Variants in KCNMA1 observed in about 807,000 individuals in gnomAD.
KCNMA1 encodes Calcium-activated potassium channel subunit alpha-1.
KCNMA1 carries 29 observed loss-of-function variants against 140.0 expected under a neutral mutation model. The ratio of observed to expected loss-of-function variants is 0.21; its 90% CI spans 0.15 to 0.28. The LOEUF (loss-of-function observed/expected upper bound fraction) is 0.28, where lower values mean the gene tolerates loss of function less well. Ranked by LOEUF, KCNMA1 falls within the 10% of genes least tolerant of loss-of-function variation. The probability of loss-of-function intolerance (pLI) is 1.00; values close to 1 mark genes in which losing one functional copy is unlikely to be tolerated. For missense variants in KCNMA1, 880 were observed against 1,602.2 expected (o/e 0.55, Z 7.70); for synonymous variants, 612 against 611.9 (o/e 1.00, Z 0.00).
intron 2 of KCNMA1, among the ~76,000 whole-genome samples, chr10:77,289,984 T>C (rs1461692503): frequency 4.6e-5 from 7 of 152,164 alleles, no homozygotes; most frequent in African/African-American, 7.2e-5. Context: ...CTTGAAAAGA[T>C]AAAGCTATGG....
chr10:77,377,789 T>G (rs1391553106), intron 2 of KCNMA1, among the ~76,000 whole-genome samples: 1 of 152,144 alleles, frequency 6.6e-6, no homozygotes, highest in African/African-American at 2.4e-5. Context: ...TGTGCAACCC[T>G]CAGCAAGTCA....
intron 2 of KCNMA1, chr10:77,373,712 A>G (rs1351539376): frequency 6.6e-6 from 1 of 152,104 alleles, no homozygotes; most frequent in African/African-American, 2.4e-5. Context: ...CATCCCACTG[A>G]TGCAAAAAGA....
chr10:77,083,613 G>T (rs547048730), intron 12 of KCNMA1, among the ~76,000 whole-genome samples: 75 of 151,948 alleles, frequency 4.9e-4, no homozygotes, highest in African/African-American at 1.8e-3. Context: ...ATCACTTGAG[G>T]TTAGGAGTTC....
chr10:77,535,468 T>C (rs2058684730), intron 1 of KCNMA1, among the ~76,000 whole-genome samples: 1 of 152,210 alleles, frequency 6.6e-6, no homozygotes, highest in South Asian at 2.1e-4. Flanking sequence ...GTACAGCCAC[T>C]ATGGAAAACA....
At position 76,955,580 on chromosome 10, in the gene KCNMA1, C is replaced by T. The variant is rs551771935; in HGVS notation, c.2361-1656G>A. On this transcript the variant is annotated intron_variant, in intron 20 of 27. Coordinates refer to ENST00000286628, the MANE Select transcript of KCNMA1 (RefSeq NM_001161352.2). ...TCTTAAAAGAAGAACAATCCCACTC[C>T]GAGTAGCATCTCAGTGTCTGGATTG... Among the ~76,000 whole-genome samples the T allele has an allele frequency of 3.5e-4, 54 of 152,236 alleles. 1 individual carries two copies. In the South Asian group the frequency reaches 0.011, roughly 31 times the overall value.
intron 1 of KCNMA1, among the ~76,000 whole-genome samples, chr10:77,572,485 T>G (rs116642636): frequency 0.016 from 2,254 of 144,886 alleles, 71 homozygotes; most frequent in African/African-American, 0.055. Context: ...GGGAGGCTGA[T>G]ATGTCTGGAT....
In KCNMA1 at chr10:77,408,485, C is replaced by T. The variant is rs574683567; in HGVS notation, c.379-4462G>A. Reference sequence around the variant, plus strand: ...GTTTGTGTGCACGTGTGAGTGTGTACGTGTGTGTGCATGTCTGAGAATGTG... The same window carrying T: ...GTTTGTGTGCACGTGTGAGTGTGTATGTGTGTGTGCATGTCTGAGAATGTG... On this transcript the variant is annotated intron_variant, in intron 1 of 27. Coordinates refer to ENST00000286628, the MANE Select transcript of KCNMA1 (RefSeq NM_001161352.2). 8.6e-5 allele frequency among the ~76,000 whole-genome samples: 13 copies of T among 151,424 alleles called. No homozygotes were observed. In the East Asian group the frequency reaches 1.8e-3, roughly 20 times the overall value.
chr10:77,387,301 T>C (rs1347805724), intron 2 of KCNMA1, among the ~76,000 whole-genome samples: 1 of 152,202 alleles, frequency 6.6e-6, no homozygotes, highest in Non-Finnish European at 1.5e-5. Context: ...AAATTTGCTG[T>C]TTCTCTGAGG....
intron 19 of KCNMA1, chr10:76,977,433 AGTT>A (rs2077976752): frequency 1.6e-6 from 1 of 640,286 alleles, no homozygotes; most frequent in Non-Finnish European, 2.8e-6. Context: ...CCATAGCCAC[AGTT>A]GTTGGTTTAC....
Position 77,380,056 on chromosome 10 carries a change from G to C in KCNMA1, c.540+23806C>G, listed in dbSNP as rs115407017. 8.5e-3 allele frequency among the ~76,000 whole-genome samples: 1,299 copies of C among 152,264 alleles called. 16 individuals carry two copies. The highest frequency in any genetic ancestry group is 0.029 in the African/African-American group (1,221 of 41,532). ...TAGTAAATCCTTCATAAACACTAGT[G>C]TTCATTATTAGTTGGGGTTACAAAT... On this transcript the variant is annotated intron_variant, in intron 2 of 27. Transcript: ENST00000286628.
chr10:77,541,257 C>G (rs1005290799), intron 1 of KCNMA1, among the ~76,000 whole-genome samples: 10 of 151,904 alleles, frequency 6.6e-5, no homozygotes, highest in Non-Finnish European at 1.5e-4. Context: ...AAACATTAAA[C>G]AAAATTCAAT....
intron 23 of KCNMA1, among the ~76,000 whole-genome samples, chr10:76,944,262 G>T (rs1439141212): frequency 1.3e-5 from 2 of 152,164 alleles, no homozygotes; most frequent in Non-Finnish European, 2.9e-5. Flanking sequence ...AAAATGTGTG[G>T]TCTGACAAGT....
chr10:76,988,644 T>C (rs1592892558), intron 19 of KCNMA1, among the ~76,000 whole-genome samples: 2 of 152,158 alleles, frequency 1.3e-5, no homozygotes, highest in Admixed American at 1.3e-4. Context: ...TGTTCTCCTC[T>C]TTTTGTGTTC....
chr10:76,967,493 A>G (rs956346633), intron 20 of KCNMA1, among the ~76,000 whole-genome samples: 5 of 152,174 alleles, frequency 3.3e-5, no homozygotes, highest in South Asian at 4.1e-4. Flanking sequence ...ATTCAAATGT[A>G]AAACAAAGGG....
At chr10:76,910,451 G>A in intron 24 of KCNMA1, 1 of 332,336 alleles carries the variant, frequency 3.0e-6, no homozygotes, top group Non-Finnish European at 5.9e-6. Context: ...TTGAGAGATG[G>A]ACATATTTCA....
Position 76,878,007 on chromosome 10 carries a change from C to T in KCNMA1, c.3428-117G>A, listed in dbSNP as rs964849131. The T allele has an allele frequency of 1.4e-5, 13 of 958,870 alleles. No homozygotes were observed. In the East Asian group the frequency reaches 1.6e-4, roughly 12 times the overall value. The allele number at this position is 958,870 out of a possible 1,614,324, so 59.4% of individuals were successfully genotyped here. On this transcript the variant is annotated intron_variant, in intron 29 of 29. Coordinates refer to the KCNMA1 transcript ENST00000372403. ...ACGCAAAAAGGTAATCGATAGAAGC[C>T]GACAGTGAGTAATTGCTAAGAGAGA...
At chr10:77,244,248 C>G (rs2058045107) in intron 3 of KCNMA1, among the ~76,000 whole-genome samples, 1 of 152,182 alleles carries the variant, frequency 6.6e-6, no homozygotes, top group Admixed American at 6.5e-5. Flanking sequence ...GGAAAGGATG[C>G]TGAGGCTCAG....
chr10:76,954,039 C>G (rs2067238325), intron 20 of KCNMA1, 115 bp from the exon 21 acceptor site: 1 of 1,164,016 alleles, frequency 8.6e-7, no homozygotes, highest in Non-Finnish European at 1.2e-6. Flanking sequence ...GTGGTTGTCA[C>G]TGAAGGCCAT....
intron 21 of KCNMA1, 157 bp from the exon 22 acceptor site, chr10:76,949,523 T>C: frequency 2.9e-6 from 2 of 687,418 alleles, no homozygotes; most frequent in Non-Finnish European, 5.2e-6. Flanking sequence ...ATACATGCCA[T>C]ATAGAGCTAT....
Sources: gnomAD v4.1 joint callset for allele counts (sites outside exome capture counted in the v4.1 genomes callset) on GRCh38, gnomAD v4.1.1 for gene constraint, MANE v1.5 for transcripts, NCBI Gene and HGNC (gene_info 2026-07-23, HGNC 2026-07-21) for gene names.